RBM25: variants seen among roughly 807,000 people sequenced by gnomAD.
RBM25 encodes the protein RNA binding motif protein 25, also known as RNA-binding protein 25.
Under a neutral mutation model 120.7 loss-of-function variants are expected in RBM25, and 19 were observed. The ratio of observed to expected loss-of-function variants is 0.16; its 90% CI spans 0.11 to 0.23. The LOEUF (loss-of-function observed/expected upper bound fraction) is 0.23, where lower values mean the gene tolerates loss of function less well. RBM25 is among the 10% of genes least tolerant of loss of function. The pLI is 1.00. For missense variants in RBM25, 605 were observed against 1,041.5 expected (o/e 0.58, Z 5.77); for synonymous variants, 390 against 326.7 (o/e 1.19, Z -2.09).
At position 73,111,625 on chromosome 14, in the gene RBM25, C is replaced by A. The variant is rs779408021; in HGVS notation, c.2115C>A (p.Asp705Glu). ...FNKFEDEDSDDVPRKRKLVPL... is the reference protein window; with the variant it reads ...FNKFEDEDSDEVPRKRKLVPL... The stretch of plus-strand genomic sequence containing the variant: ...AATTTGAGGATGAAGACAGTGATGA[C>A]GTACCCCGAAAAAGGAAACTGGTTC... Residue 705 changes from aspartate (D) to glutamate (E), a missense_variant, in exon 16 of 19, where the codon GAC becomes GAA. Asp to Glu is a conservative substitution (Grantham distance 45). This residue lies in a region of RBM25 where 465 missense variants were observed against 741.6 expected (regional missense o/e 0.63). Coordinates refer to ENST00000261973, the MANE Select transcript of RBM25 (RefSeq NM_021239.3). 1.9e-6 allele frequency: 3 copies of A among 1,613,902 alleles called. No individual in the cohort carries two copies. In the African/African-American group the frequency reaches 4.0e-5, roughly 22 times the overall value.
At chr14:73,113,894 A>G (rs1378120264) in intron 17 of RBM25, among the ~76,000 whole-genome samples, 1 of 152,168 alleles carries the variant, frequency 6.6e-6, no homozygotes, top group African/African-American at 2.4e-5. Flanking sequence ...TCTCCTGAAA[A>G]CATAGTCTTA....
chr14:73,118,868 A>C lies in RBM25; in HGVS notation c.2440-845A>C, dbSNP rs577254946. ...ACTGCAACCTCCGCCTCCCAGGTTC[A>C]AGCGATTCTCCTACCTCAGCCTCCC... is the stretch of plus-strand genomic sequence containing the variant. On this transcript the variant is annotated intron_variant, in intron 18 of 18. Transcript: ENST00000261973. Among the ~76,000 whole-genome samples the C allele has an allele frequency of 1.4e-4, 22 of 152,140 alleles. No individual in the cohort carries two copies. In the East Asian group the frequency reaches 3.9e-3, roughly 27 times the overall value.
At chr14:73,101,611 G>C (rs1292422732) in intron 9 of RBM25, 1 of 151,328 alleles carries the variant, frequency 6.6e-6, no homozygotes, top group Non-Finnish European at 1.5e-5. Context: ...CCAAACTTTT[G>C]AAATGAGTTC....
chr14:73,078,250 C>T (rs1895471079), intron 4 of RBM25, among the ~76,000 whole-genome samples: 1 of 152,084 alleles, frequency 6.6e-6, no homozygotes, highest in Non-Finnish European at 1.5e-5. Flanking sequence ...CTGCAGTGAG[C>T]TGAGGTCGCG....
chr14:73,114,875 C>CA (rs1463919152), intron 18 of RBM25, among the ~76,000 whole-genome samples: 7 of 152,152 alleles, frequency 4.6e-5, no homozygotes, highest in African/African-American at 1.7e-4. Context: ...AGCCTGGTGA[C>CA]AGAGTGAGAC....
At chr14:73,096,071 G>A (rs191440509) in intron 6 of RBM25, among the ~76,000 whole-genome samples, 2 of 152,192 alleles carry the variant, frequency 1.3e-5, no homozygotes, top group Admixed American at 6.5e-5. Flanking sequence ...ACTGCCTTCC[G>A]GTTTTAAGCG....
chr14:73,108,004 A>G, intron 13 of RBM25, 105 bp downstream of exon 13: 1 of 753,762 alleles, frequency 1.3e-6, no homozygotes, highest in Non-Finnish European at 2.2e-6. Context: ...TAAGAAAAAC[A>G]AACTTTCACA....
Position 73,110,882 on chromosome 14 carries a change from G to A in RBM25, c.1744G>A (p.Glu582Lys), listed in dbSNP as rs1447133890. The A allele has an allele frequency of 6.2e-7, 1 of 1,612,850 alleles. No homozygotes were observed. The highest frequency in any genetic ancestry group is 1.3e-5 in the African/African-American group (1 of 74,712). The change falls in exon 15 of 19, where the codon GAA (glutamate) becomes AAA (lysine). Residue 582 changes from glutamate to lysine, a missense_variant. This residue lies in a region of RBM25 where 465 missense variants were observed against 741.6 expected (regional missense o/e 0.63). Transcript: ENST00000261973. ...GCAGCCACAAATAAAGCAAGAGCCA[G>A]AATCAGAAGAGGAGGAAGAAGAAAA... ...RRQPQIKQEP[E>K]SEEEEEEKQE...
At chr14:73,088,805 G>A (rs1469208618) in intron 6 of RBM25, among the ~76,000 whole-genome samples, 1 of 152,138 alleles carries the variant, frequency 6.6e-6, no homozygotes, top group African/African-American at 2.4e-5. Flanking sequence ...AAAACCAGAA[G>A]AGTCTTTCGC....
intron 1 of RBM25, among the ~76,000 whole-genome samples, chr14:73,061,052 A>C (rs1026870471): frequency 6.7e-6 from 1 of 149,492 alleles, no homozygotes; most frequent in Non-Finnish European, 1.5e-5. Flanking sequence ...GAGTTGGTGT[A>C]CTTTTTTTTT....
rs1004091375 is a variant in RBM25 at position 73,109,617 on chromosome 14, C to A, written c.1692+125C>A. ...GATCATCCTGGCTAACACGGTGAAACCCCGTCTCTATTAAAAATACAAAAG... is the reference window on the plus strand; with the variant it reads ...GATCATCCTGGCTAACACGGTGAAAACCCGTCTCTATTAAAAATACAAAAG... On this transcript the variant is annotated intron_variant, in intron 14 of 18. Transcript: ENST00000261973. The A allele has an allele frequency of 2.4e-5, 20 of 849,916 alleles. No homozygotes were observed. The Admixed American group carries it at 5.8e-4, about 24-fold the overall frequency. 52.6% of individuals were successfully genotyped at this position (849,916 alleles called of 1,614,324 possible).
chr14:73,105,871 A>G lies in RBM25; in HGVS notation c.1167A>G (p.Arg389=), dbSNP rs772973679. The change falls in exon 11 of 19, where the codon AGA becomes AGG. Residue 389 remains arginine, a synonymous_variant. Transcript: ENST00000261973. Reference sequence around the variant, plus strand: ...TTGTTTACATTAGAGAAAAAAGCAGAGATCGTGAAAGGGAACGAGAGCGGG... The same window carrying G: ...TTGTTTACATTAGAGAAAAAAGCAGGGATCGTGAAAGGGAACGAGAGCGGG... ...KDRSRSREKS[R]DRERERERER... 6.2e-7 allele frequency: 1 copy of G among 1,609,564 alleles called. No homozygotes were observed. The highest frequency in any genetic ancestry group is 1.1e-5 in the South Asian group (1 of 89,758).
intron 5 of RBM25, among the ~76,000 whole-genome samples, chr14:73,086,362 C>T (rs1424131969): frequency 1.3e-5 from 2 of 151,140 alleles, no homozygotes; most frequent in African/African-American, 2.4e-5. Context: ...CGCTTCAACC[C>T]GGGAGGCAGA....
chr14:73,107,910 C>A lies in RBM25; in HGVS notation c.1541+11C>A. 6.4e-7 allele frequency: 1 copy of A among 1,558,026 alleles called. No individual in the cohort carries two copies. On this transcript the variant is annotated intron_variant, in intron 13 of 18. Transcript: ENST00000261973. Reference sequence around the variant, plus strand: ...CCCCAAATATTACAGGTAAAGAAGGCTTGTTCTGTGGATTCATACTTGGTT... The same window carrying A: ...CCCCAAATATTACAGGTAAAGAAGGATTGTTCTGTGGATTCATACTTGGTT...
chr14:73,106,256 G>A lies in RBM25; in HGVS notation c.1438G>A (p.Glu480Lys). ...KKTREYEKEA[E>K]REEERRREMA... is the part of the protein sequence containing the mutation. ...AACCCGGGAATATGAGAAAGAAGCT[G>A]AAAGAGAAGAAGAAAGAAGAAGAGA... The change falls in exon 12 of 19, where the codon GAA (glutamate) becomes AAA (lysine). Residue 480 changes from glutamate (E) to lysine (K), a missense_variant. Glu to Lys is a moderately conservative substitution (Grantham distance 56, BLOSUM62 1). Transcript: ENST00000261973. The A allele has an allele frequency of 6.3e-7, 1 of 1,598,040 alleles. No individual in the cohort carries two copies. The highest frequency in any genetic ancestry group is 2.2e-5 in the East Asian group (1 of 44,650).
At chr14:73,092,428 C>G (rs1442306431) in intron 6 of RBM25, among the ~76,000 whole-genome samples, 1 of 151,786 alleles carries the variant, frequency 6.6e-6, no homozygotes, top group East Asian at 1.9e-4. Flanking sequence ...CATTGAAAAC[C>G]CTTTGTGTTG....
chr14:73,099,814 AC>A, intron 9 of RBM25, 64 bp downstream of exon 9: 1 of 1,515,952 alleles, frequency 6.6e-7, no homozygotes, highest in South Asian at 1.4e-5. Flanking sequence ...AAGCAAAGAG[AC>A]AAAAAAAATC....
At chr14:73,101,506 A>G (rs937373172) in intron 9 of RBM25, 7 of 143,172 alleles carry the variant, frequency 4.9e-5, no homozygotes, top group African/African-American at 1.5e-4. Context: ...ATTTGTATAC[A>G]TGTGTGTATA....
At chr14:73,084,046 C>T (rs921097862) in intron 5 of RBM25, among the ~76,000 whole-genome samples, 27 of 151,704 alleles carry the variant, frequency 1.8e-4, no homozygotes, top group African/African-American at 1.5e-4. Context: ...TACAGGTGTG[C>T]GCCACCATGC....
Sources: allele counts gnomAD v4.1 joint callset (sites outside exome capture counted in the v4.1 genomes callset), GRCh38; gene constraint gnomAD v4.1.1; regional missense constraint gnomAD v4.1.1; transcripts MANE v1.5; gene names NCBI Gene and HGNC (gene_info 2026-07-23, HGNC 2026-07-21).